CHAT: variants seen among roughly 807,000 people sequenced by gnomAD.
CHAT encodes choline O-acetyltransferase.
In CHAT, 61 loss-of-function variants were observed where a neutral mutation model predicts 76.9. The observed-to-expected ratio is 0.79, with a 90% CI of 0.65 to 0.98. The LOEUF (loss-of-function observed/expected upper bound fraction) is 0.98. Among genes scored for constraint, CHAT ranks in the 50% least tolerant of loss-of-function variants. The pLI is 0.00. For missense variants in CHAT, 946 were observed against 986.9 expected (o/e 0.96, Z 0.56); for synonymous variants, 407 against 397.4 (o/e 1.02, Z -0.29).
At chr10:49,619,685 A>G (rs2132710109) in intron 2 of CHAT, 40 bp from the exon 3 acceptor site, 1 of 1,592,566 alleles carries the variant, frequency 6.3e-7, no homozygotes, top group East Asian at 2.2e-5. Context: ...CATGGGGCGC[A>G]CATACTAGAG....
chr10:49,624,986 G>T (rs1295268617), intron 5 of CHAT, among the ~76,000 whole-genome samples: 1 of 152,128 alleles, frequency 6.6e-6, no homozygotes, highest in Admixed American at 6.6e-5. Flanking sequence ...TAGATGGATG[G>T]GTGGATGGAT....
chr10:49,651,755 G>A, intron 10 of CHAT, 129 bp from the exon 11 acceptor site: 1 of 902,080 alleles, frequency 1.1e-6, no homozygotes, highest in Non-Finnish European at 1.7e-6. Context: ...CACTCCTGAA[G>A]GGCAGGGACT....
intron 7 of CHAT, among the ~76,000 whole-genome samples, chr10:49,631,941 A>G (rs1839137232): frequency 6.6e-6 from 1 of 150,918 alleles, no homozygotes; most frequent in Non-Finnish European, 1.5e-5. Flanking sequence ...GGCGCAGCAC[A>G]GAAACAAGGG....
chr10:49,610,813 C>T (rs1363484468), upstream of CHAT: 1 of 1,600,376 alleles, frequency 6.2e-7, no homozygotes, highest in African/African-American at 1.3e-5. Flanking sequence ...GGGCGCGGCG[C>T]TGCAGGAGCC....
chr10:49,652,048 G>T, intron 11 of CHAT, 42 bp downstream of exon 11: 1 of 1,613,708 alleles, frequency 6.2e-7, no homozygotes, highest in South Asian at 1.1e-5. Context: ...GAGGGCTGAC[G>T]GACACAGTGC....
intron 7 of CHAT, among the ~76,000 whole-genome samples, chr10:49,643,516 C>T (rs987138909): frequency 2.6e-5 from 4 of 152,202 alleles, no homozygotes; most frequent in South Asian, 2.1e-4. Context: ...GGACCAGTAG[C>T]ACAGCACATA....
intron 13 of CHAT, among the ~76,000 whole-genome samples, chr10:49,659,625 G>T (rs1301646005): frequency 6.6e-6 from 1 of 152,210 alleles, no homozygotes; most frequent in Non-Finnish European, 1.5e-5. Context: ...ACCTTGGGAG[G>T]CCGAGGTGGG....
In CHAT at chr10:49,662,794, T is replaced by C. The variant is rs757018204; in HGVS notation, c.1977+12T>C. 3.7e-6 allele frequency: 6 copies of C among 1,614,036 alleles called. No homozygotes were observed. The highest frequency in any genetic ancestry group is 8.5e-7 in the Non-Finnish European group (1 of 1,180,036). ...TCTCCACTAGCCAGGTACGGCCCCG[T>C]GCAGCTATCGCCCAAGAGTAGTGTA... On this transcript the variant is annotated intron_variant, in intron 14 of 14. Transcript: ENST00000337653.
chr10:49,638,750 A>G (rs1238896581), intron 7 of CHAT, among the ~76,000 whole-genome samples: 1 of 152,196 alleles, frequency 6.6e-6, no homozygotes, highest in Non-Finnish European at 1.5e-5. Flanking sequence ...CTTAAATATT[A>G]TCTCTATATA....
chr10:49,659,390 GA>G (rs968377229), intron 13 of CHAT, among the ~76,000 whole-genome samples: 2 of 151,848 alleles, frequency 1.3e-5, no homozygotes, highest in Admixed American at 6.6e-5. Flanking sequence ...ATCATAGGCT[GA>G]AAAAAAACAG....
In CHAT at chr10:49,644,220, G is replaced by C. The variant is rs538713239; in HGVS notation, c.1112-2285G>C. Among the ~76,000 whole-genome samples the C allele has an allele frequency of 6.6e-5, 10 of 152,320 alleles. No homozygotes were observed. In the South Asian group the frequency reaches 1.0e-3, roughly 16 times the overall value. ...TTGTCCTGGGCACAGCCTGCGTGAT[G>C]ATGAGGAGATGGGATGTCCACAGGA... On this transcript the variant is annotated intron_variant, in intron 7 of 14. Coordinates refer to ENST00000337653, the MANE Select transcript of CHAT (RefSeq NM_020549.5).
intron 6 of CHAT, among the ~76,000 whole-genome samples, chr10:49,626,647 C>A (rs2132731472): frequency 6.6e-6 from 1 of 152,338 alleles, no homozygotes; most frequent in Non-Finnish European, 1.5e-5. Flanking sequence ...TATTTCCCAG[C>A]TCCCACAGGC....
At chr10:49,614,528 C>T (rs2132695794) in intron 1 of CHAT, 53 bp downstream of exon 1, 1 of 1,284,838 alleles carries the variant, frequency 7.8e-7, no homozygotes, top group Non-Finnish European at 1.0e-6. Context: ...GGAGCAAGGG[C>T]GGCGGTCGGG....
At chr10:49,634,411 C>T (rs1839228981) in intron 7 of CHAT, among the ~76,000 whole-genome samples, 1 of 152,246 alleles carries the variant, frequency 6.6e-6, no homozygotes, top group African/African-American at 2.4e-5. Context: ...GCCCAATGCC[C>T]ACAACCCCTC....
At chr10:49,612,322 TA>T, upstream of CHAT, 5 of 1,593,170 alleles carry the variant, frequency 3.1e-6, no homozygotes, top group Non-Finnish European at 4.3e-6. Flanking sequence ...CTACAACTAC[TA>T]CTACACCCGC....
chr10:49,655,036 G>C, intron 11 of CHAT, 59 bp from the exon 12 acceptor site: 1 of 1,597,662 alleles, frequency 6.3e-7, no homozygotes, highest in Non-Finnish European at 8.6e-7. Context: ...TTTTCTTTCC[G>C]AGTTTATGAT....
chr10:49,628,397 T>C (rs150494205), intron 7 of CHAT, among the ~76,000 whole-genome samples: 35 of 152,322 alleles, frequency 2.3e-4, no homozygotes, highest in African/African-American at 7.5e-4. Flanking sequence ...TCCTTGCCCA[T>C]GTTAGAGACA....
intron 13 of CHAT, among the ~76,000 whole-genome samples, chr10:49,655,812 C>T (rs1176241299): frequency 1.3e-5 from 2 of 152,140 alleles, no homozygotes; most frequent in Non-Finnish European, 2.9e-5. Flanking sequence ...CACACCTTCC[C>T]CAATCTCAGG....
intron 1 of CHAT, chr10:49,615,793 G>C (rs1006759997): frequency 2.2e-5 from 12 of 548,134 alleles, no homozygotes; most frequent in Non-Finnish European, 2.9e-5. Context: ...GGCCCCTAGG[G>C]GCCCTGGCTG....
Sources: gnomAD v4.1 joint callset for allele counts (sites outside exome capture counted in the v4.1 genomes callset) on GRCh38, gnomAD v4.1.1 for gene constraint, MANE v1.5 for transcripts, NCBI Gene and HGNC (gene_info 2026-07-23, HGNC 2026-07-21) for gene names.